The following PDE3B variants were observed in gnomAD, a reference collection of about 807,000 sequenced individuals.
PDE3B encodes phosphodiesterase 3B.
A neutral mutation model predicts 116.8 loss-of-function variants in PDE3B; 66 were observed. That is an observed-to-expected ratio of 0.56 (90% confidence interval 0.46 to 0.69). The LOEUF is 0.69. PDE3B is among the 30% of genes least tolerant of loss of function. The pLI is 0.00. For synonymous variants in PDE3B, 595 were observed against 533.6 expected (o/e 1.12, Z -1.59); for missense variants, 1,384 against 1,368.1 (o/e 1.01, Z -0.18).
At chr11:14,663,360 A>C (rs1228664763) in intron 1 of PDE3B, among the ~76,000 whole-genome samples, 1 of 152,236 alleles carries the variant, frequency 6.6e-6, no homozygotes, top group Non-Finnish European at 1.5e-5. Flanking sequence ...AATCATGCCA[A>C]ATTGTAAAGA....
chr11:14,787,513 G>T (rs1858247328), intron 3 of PDE3B, among the ~76,000 whole-genome samples: 1 of 151,912 alleles, frequency 6.6e-6, no homozygotes, highest in African/African-American at 2.4e-5. Context: ...TTTTTGTAGG[G>T]ATTTTGATCA....
At chr11:14,835,574 G>A (rs1031409106) in intron 11 of PDE3B, among the ~76,000 whole-genome samples, 2 of 151,856 alleles carry the variant, frequency 1.3e-5, no homozygotes, top group African/African-American at 4.8e-5. Flanking sequence ...AACAAATTTT[G>A]CTTCCAAAAA....
chr11:14,713,098 G>C (rs1207980669), intron 1 of PDE3B, among the ~76,000 whole-genome samples: 6 of 152,154 alleles, frequency 3.9e-5, no homozygotes, highest in Non-Finnish European at 8.8e-5. Context: ...AAGGATACAA[G>C]AAGTCTTTGC....
intron 15 of PDE3B, among the ~76,000 whole-genome samples, chr11:14,869,024 A>C (rs142556220): frequency 1.3e-5 from 2 of 152,246 alleles, no homozygotes; most frequent in African/African-American, 4.8e-5. Flanking sequence ...CCGTCTCAAA[A>C]AAAAAAAAAT....
intron 11 of PDE3B, among the ~76,000 whole-genome samples, chr11:14,836,906 C>A (rs1161185262): frequency 6.6e-6 from 1 of 152,170 alleles, no homozygotes; most frequent in East Asian, 1.9e-4. Flanking sequence ...GCCTCCTAGG[C>A]GGGTTCAAGC....
At position 14,721,926 on chromosome 11, in the gene PDE3B, TAA is replaced by T. The variant is rs1200588371; in HGVS notation, c.979-49997_979-49996del. ...TGTACCCTAAAACTTAAAGTATAAT[TAA>T]AAAAAAAAAAAAAGAAAATGTGGCA... On this transcript the variant is annotated intron_variant, in intron 1 of 15. Transcript: ENST00000282096. Among the ~76,000 whole-genome samples the T allele has an allele frequency of 9.0e-4, 105 of 116,474 alleles. 2 individuals are homozygous for T. Among genetic ancestry groups the T allele is most frequent in the Admixed American group, 1.6e-3 (18 of 11,106 alleles). The allele number at this position is 116,474 out of a possible 152,430, so 76.4% of individuals were successfully genotyped here.
At chr11:14,722,350 G>C (rs1298142424) in intron 1 of PDE3B, among the ~76,000 whole-genome samples, 1 of 151,716 alleles carries the variant, frequency 6.6e-6, no homozygotes. Context: ...GGAAAGTCTA[G>C]TCGAGGGTAG....
rs1554986140 is a variant in PDE3B, at chr11:14,725,329, T to TTC, written c.979-46607_979-46606insCT. The stretch of plus-strand genomic sequence containing the variant: ...TCTTTCTCTTTCTTTCTTTCTTTCT[T>TTC]TTTCTTTCTTTCTTTCTTTCTTCTT... On this transcript the variant is annotated intron_variant, in intron 1 of 15. Transcript: ENST00000282096. Among the ~76,000 whole-genome samples the TTC allele has an allele frequency of 1.0e-3, 128 of 123,274 alleles. 1 individual carries two copies. The highest frequency in any genetic ancestry group is 3.6e-3 in the African/African-American group (115 of 31,920). The allele number at this position is 123,274 out of a possible 152,430, so 80.9% of individuals were successfully genotyped here. A position where few individuals can be genotyped will look rare whatever the true frequency, so the allele number is the denominator to read the frequency against.
intron 4 of PDE3B, among the ~76,000 whole-genome samples, chr11:14,791,134 G>C (rs929319136): frequency 6.6e-6 from 1 of 152,076 alleles, no homozygotes; most frequent in Non-Finnish European, 1.5e-5. Context: ...CCATATTAGT[G>C]CAGCTCTAGA....
intron 1 of PDE3B, among the ~76,000 whole-genome samples, chr11:14,709,206 G>A (rs1855624030): frequency 6.6e-6 from 1 of 152,128 alleles, no homozygotes; most frequent in African/African-American, 2.4e-5. Flanking sequence ...GAATGAGCTG[G>A]TTGAGAATTC....
At position 14,870,700 on chromosome 11, in the gene PDE3B, A is replaced by C. The variant is rs1848128375; in HGVS notation, c.*1040A>C. 6.6e-6 allele frequency: 1 copy of C among 152,196 alleles called. No individual in the cohort carries two copies. Among genetic ancestry groups the C allele is most frequent in the South Asian group, 2.1e-4 (1 of 4,836 alleles). The allele number at this position is 152,196 out of a possible 1,614,324, so 9.4% of individuals were successfully genotyped here. On this transcript the variant is annotated 3_prime_UTR_variant, in exon 16 of 16. Transcript: ENST00000282096. This position sits in a 1 kb window ranked among gnomAD's most constrained non-coding sequence, Gnocchi z 4.1. The stretch of plus-strand genomic sequence containing the variant: ...TAAAACTGATGTTCATCTTTCTGTT[A>C]ATTTCCCTCTGCCTAAAGACTACAT...
intron 1 of PDE3B, among the ~76,000 whole-genome samples, chr11:14,708,001 T>C (rs140143841): frequency 2.5e-3 from 377 of 152,176 alleles, no homozygotes; most frequent in Non-Finnish European, 3.5e-3. Context: ...TATTTAGCCT[T>C]CTTCTTGGTT....
rs370321749 is a variant in PDE3B, at chr11:14,644,368, C to G, written c.293C>G (p.Pro98Arg). Residue 98 changes from proline (P) to arginine (R), a missense_variant, in exon 1 of 16, where the codon CCC (proline) becomes CGC (arginine). Transcript: ENST00000282096. ...CTCGCCCTGCTGCTGGGCGCGGAAC[C>G]CGAGAGCTGGGCTGCCGGGGCCGCC... ...FVLALLLGAE[P>R]ESWAAGAAWL... The G allele has an allele frequency of 1.3e-5, 21 of 1,597,422 alleles. No homozygotes were observed. The African/African-American group carries it at 2.3e-4, about 17-fold the overall frequency.
intron 1 of PDE3B, among the ~76,000 whole-genome samples, chr11:14,661,124 A>T (rs1853890980): frequency 6.6e-6 from 1 of 152,222 alleles, no homozygotes. Flanking sequence ...TTCCTCAGGG[A>T]TCTAGAACTA....
intron 14 of PDE3B, among the ~76,000 whole-genome samples, chr11:14,865,868 G>A (rs1471981935): frequency 6.6e-6 from 1 of 152,096 alleles, no homozygotes; most frequent in African/African-American, 2.4e-5. Context: ...GTAAATTTTA[G>A]AAAATTCACT....
chr11:14,824,734 C>G (rs1010350277), intron 7 of PDE3B, among the ~76,000 whole-genome samples: 3 of 152,152 alleles, frequency 2.0e-5, no homozygotes, highest in Non-Finnish European at 4.4e-5. Context: ...ATGAAAACTT[C>G]CCCAGCCTTG....
intron 12 of PDE3B, among the ~76,000 whole-genome samples, chr11:14,850,052 G>A (rs920773648): frequency 2.0e-5 from 3 of 151,998 alleles, no homozygotes; most frequent in Admixed American, 1.3e-4. Context: ...TGTTTATTGC[G>A]GCATTATTCA....
In PDE3B at chr11:14,704,665, A is replaced by C. The variant is rs550747868; in HGVS notation, c.978+59612A>C. 2.0e-5 allele frequency among the ~76,000 whole-genome samples: 3 copies of C among 151,838 alleles called. No individual in the cohort carries two copies. In the South Asian group the frequency reaches 6.2e-4, roughly 31 times the overall value. ...TTCAAAGGAGGAAGTAATAATATTT[A>C]CAACAAATGTGCTGGAAAAACTGTA... On this transcript the variant is annotated intron_variant, in intron 1 of 15. Coordinates refer to ENST00000282096, the MANE Select transcript of PDE3B (RefSeq NM_000922.4).
chr11:14,797,132 A>C (rs1349901395), intron 4 of PDE3B, among the ~76,000 whole-genome samples: 5 of 152,154 alleles, frequency 3.3e-5, no homozygotes, highest in Non-Finnish European at 7.4e-5. Flanking sequence ...TCCTTTCCCC[A>C]TTGCTTGTTG....
Sources: allele counts gnomAD v4.1 joint callset (sites outside exome capture counted in the v4.1 genomes callset), GRCh38; gene constraint gnomAD v4.1.1; non-coding constraint Gnocchi (gnomAD v3.1); transcripts MANE v1.5; gene names NCBI Gene and HGNC (gene_info 2026-07-23, HGNC 2026-07-21).